Variants in WWOX observed in about 807,000 individuals in gnomAD.
WWOX encodes WW domain-containing oxidoreductase.
In WWOX, 69 loss-of-function variants were observed where a neutral mutation model predicts 46.2. The observed-to-expected ratio is 1.49, with a 90% CI of 1.23 to 1.82. The LOEUF (loss-of-function observed/expected upper bound fraction) is 1.82, where lower values mean the gene tolerates loss of function less well. WWOX is among the 40% of genes most tolerant of loss of function. The pLI is 0.00. For missense variants in WWOX, 919 were observed against 542.6 expected, an observed-to-expected ratio of 1.69 and a Z score of -6.89; for synonymous variants, 359 against 202.6, an observed-to-expected ratio of 1.77 and a Z score of -6.56.
chr16:78,436,131 T>A (rs566676755), intron 8 of WWOX, among the ~76,000 whole-genome samples: 1 of 152,284 alleles, frequency 6.6e-6, no homozygotes, highest in South Asian at 2.1e-4. Context: ...CAGTACTTCC[T>A]GCCACGATGG....
At chr16:78,764,202 G>C (rs539089127) in intron 8 of WWOX, among the ~76,000 whole-genome samples, 10 of 152,186 alleles carry the variant, frequency 6.6e-5, no homozygotes, top group African/African-American at 2.4e-4. Flanking sequence ...CAGTCTTCCG[G>C]CTCTACCCTG....
intron 8 of WWOX, among the ~76,000 whole-genome samples, chr16:78,853,220 T>A (rs1364532316): frequency 6.6e-6 from 1 of 152,084 alleles, no homozygotes; most frequent in Non-Finnish European, 1.5e-5. Flanking sequence ...TATTATTATT[T>A]TTTTCTTTTT....
At chr16:78,447,576 C>T (rs375707981) in intron 8 of WWOX, among the ~76,000 whole-genome samples, 3 of 152,104 alleles carry the variant, frequency 2.0e-5, no homozygotes. Context: ...TGCATGCCTC[C>T]CCTTAGACTC....
intron 8 of WWOX, among the ~76,000 whole-genome samples, chr16:79,159,534 G>C (rs1210088330): frequency 6.6e-6 from 1 of 152,072 alleles, no homozygotes; most frequent in African/African-American, 2.4e-5. Context: ...CACAAGACCA[G>C]GGCACTCAGA....
At chr16:78,515,962 A>AGTC (rs1189244080) in intron 8 of WWOX, among the ~76,000 whole-genome samples, 7 of 151,984 alleles carry the variant, frequency 4.6e-5, no homozygotes, top group South Asian at 2.1e-4. Context: ...TCAGTCAATC[A>AGTC]ATCAGTCTCT....
At chr16:78,267,928 C>T (rs549363111) in intron 5 of WWOX, among the ~76,000 whole-genome samples, 34 of 152,280 alleles carry the variant, frequency 2.2e-4, no homozygotes, top group African/African-American at 8.2e-4. Flanking sequence ...AGTGATCCTC[C>T]CACCTCAGCC....
chr16:78,881,732 A>G (rs981090526), intron 8 of WWOX, among the ~76,000 whole-genome samples: 2 of 152,220 alleles, frequency 1.3e-5, no homozygotes, highest in East Asian at 1.9e-4. Flanking sequence ...AGAATGATCA[A>G]TGATTTTCTT....
intron 8 of WWOX, among the ~76,000 whole-genome samples, chr16:78,990,135 G>A (rs913231067): frequency 2.0e-5 from 3 of 149,390 alleles, no homozygotes; most frequent in Middle Eastern, 3.4e-3. Context: ...AGTGAGCCAT[G>A]ACCTTGCCAC....
intron 4 of WWOX, among the ~76,000 whole-genome samples, chr16:78,150,434 A>G (rs1371450984): frequency 6.6e-6 from 1 of 151,978 alleles, no homozygotes; most frequent in Admixed American, 6.5e-5. Context: ...GCAGTGGTGC[A>G]ATTATGCAAT....
chr16:79,185,214 A>G (rs1428224288), intron 8 of WWOX, among the ~76,000 whole-genome samples: 3 of 152,194 alleles, frequency 2.0e-5, no homozygotes, highest in Admixed American at 2.0e-4. Context: ...TTGGACTTAC[A>G]GTCCCAAATA....
At chr16:78,971,190 G>A (rs1450289046) in intron 8 of WWOX, among the ~76,000 whole-genome samples, 1 of 152,074 alleles carries the variant, frequency 6.6e-6, no homozygotes, top group Non-Finnish European at 1.5e-5. Flanking sequence ...GCCGGGCACG[G>A]TGGCCTACAC....
chr16:78,391,848 C>T (rs781386967), intron 6 of WWOX, among the ~76,000 whole-genome samples: 34 of 152,118 alleles, frequency 2.2e-4, no homozygotes, highest in Admixed American at 4.6e-4. Context: ...CAAATTACTC[C>T]AAAATTTAGT....
chr16:78,507,858 G>T (rs965186426), intron 8 of WWOX, among the ~76,000 whole-genome samples: 1 of 152,120 alleles, frequency 6.6e-6, no homozygotes, highest in East Asian at 1.9e-4. Flanking sequence ...TCCAACCCAT[G>T]GCCCCCGGGT....
intron 8 of WWOX, among the ~76,000 whole-genome samples, chr16:79,067,869 C>T (rs2048471627): frequency 1.3e-5 from 2 of 152,204 alleles, no homozygotes; most frequent in African/African-American, 2.4e-5. Context: ...CTCTTCCCTT[C>T]TGGAACCTTC....
At chr16:78,362,275 G>A (rs1052290180) in intron 5 of WWOX, among the ~76,000 whole-genome samples, 3 of 151,970 alleles carry the variant, frequency 2.0e-5, no homozygotes, top group Non-Finnish European at 4.4e-5. Context: ...AACAAGAGAC[G>A]AGACACAGCA....
intron 8 of WWOX, among the ~76,000 whole-genome samples, chr16:78,975,062 G>T (rs1483122059): frequency 1.3e-5 from 2 of 152,146 alleles, no homozygotes; most frequent in African/African-American, 4.8e-5. Flanking sequence ...GTCAAGGCTG[G>T]GCCCCTGCTT....
intron 8 of WWOX, among the ~76,000 whole-genome samples, chr16:78,632,219 A>ATATC (rs1204929057): frequency 2.6e-5 from 4 of 152,136 alleles, no homozygotes; most frequent in Non-Finnish European, 5.9e-5. Context: ...AGCTGTTTTT[A>ATATC]TATCTGTACA....
At chr16:78,273,044 T>G (rs2079510648) in intron 5 of WWOX, among the ~76,000 whole-genome samples, 1 of 152,216 alleles carries the variant, frequency 6.6e-6, no homozygotes, top group African/African-American at 2.4e-5. Flanking sequence ...GATAATCTCT[T>G]TCATTCATCA....
chr16:78,131,494 T>A (rs2033591516), intron 4 of WWOX, among the ~76,000 whole-genome samples: 1 of 152,054 alleles, frequency 6.6e-6, no homozygotes, highest in East Asian at 1.9e-4. Context: ...GGATTACAGG[T>A]GTGAGCCACC....
Sources: allele counts gnomAD v4.1 joint callset (sites outside exome capture counted in the v4.1 genomes callset), GRCh38; gene constraint gnomAD v4.1.1; transcripts MANE v1.5; gene names NCBI Gene and HGNC (gene_info 2026-07-23, HGNC 2026-07-21).